Variants in FDCSP observed in about 807,000 individuals in gnomAD.
FDCSP encodes follicular dendritic cell secreted peptide.
In FDCSP, 8 loss-of-function variants were observed where a neutral mutation model predicts 8.9. The ratio of observed to expected loss-of-function variants is 0.90; its 90% CI spans 0.53 to 1.63. FDCSP has a LOEUF of 1.63. Among genes scored for constraint, FDCSP ranks in the 40% most tolerant of loss-of-function variants. The probability of loss-of-function intolerance (pLI) is 0.00; values close to 1 mark genes in which losing one functional copy is unlikely to be tolerated. For synonymous variants in FDCSP, 34 were observed against 34.5 expected, an observed-to-expected ratio of 0.98 and a Z score of 0.06; for missense variants, 101 against 103.6, an observed-to-expected ratio of 0.98 and a Z score of 0.11.
At chr4:70,227,459 T>C (rs1419607053) in intron 1 of FDCSP, among the ~76,000 whole-genome samples, 5 of 151,690 alleles carry the variant, frequency 3.3e-5, no homozygotes, top group East Asian at 1.9e-4. Context: ...CATAGATGTA[T>C]AGGAAACATC....
chr4:70,231,536 G>C (rs920508906), intron 2 of FDCSP, among the ~76,000 whole-genome samples: 1 of 151,538 alleles, frequency 6.6e-6, no homozygotes, highest in Non-Finnish European at 1.5e-5. Context: ...TTATGTCATA[G>C]GGCAATGCAT....
intron 1 of FDCSP, among the ~76,000 whole-genome samples, chr4:70,226,393 C>G (rs1323632461): frequency 2.0e-5 from 3 of 151,648 alleles, no homozygotes; most frequent in Non-Finnish European, 2.9e-5. Flanking sequence ...AAATCACCAC[C>G]CTGCTGTAGT....
intron 1 of FDCSP, among the ~76,000 whole-genome samples, chr4:70,229,015 T>C (rs1447187151): frequency 6.6e-6 from 1 of 151,776 alleles, no homozygotes; most frequent in African/African-American, 2.4e-5. Context: ...CTTTGAAGCT[T>C]TGAAGCCAGG....
chr4:70,235,182 T>C lies in FDCSP; in HGVS notation c.*126T>C, dbSNP rs1324420310. ...AATTGAAATAGCACACAGCATTCTC[T>C]AGTCAATATCTTTAGTGATCTTCTT... On this transcript the variant is annotated 3_prime_UTR_variant, in exon 5 of 5. Coordinates refer to ENST00000317987, the MANE Select transcript of FDCSP (RefSeq NM_152997.4). 1 of 151,816 alleles carries C rather than the reference T, an allele frequency of 6.6e-6. No individual in the cohort carries two copies. Among genetic ancestry groups the C allele is most frequent in the Non-Finnish European group, 1.5e-5 (1 of 67,832 alleles). 9.4% of individuals were successfully genotyped at this position (151,816 alleles called of 1,614,324 possible). A position where few individuals can be genotyped will look rare whatever the true frequency, so the allele number is the denominator to read the frequency against.
chr4:70,233,697 A>G (rs1013212050), intron 3 of FDCSP, among the ~76,000 whole-genome samples: 1 of 151,676 alleles, frequency 6.6e-6, no homozygotes, highest in Non-Finnish European at 1.5e-5. Context: ...TGGTTTGGGT[A>G]AAGACCTTGC....
At chr4:70,227,932 G>A (rs956796278) in intron 1 of FDCSP, among the ~76,000 whole-genome samples, 8 of 151,824 alleles carry the variant, frequency 5.3e-5, no homozygotes, top group African/African-American at 1.7e-4. Context: ...CTGGTGTAGG[G>A]TCTTGCCTTG....
At chr4:70,229,604 G>A (rs1730045459) in intron 1 of FDCSP, among the ~76,000 whole-genome samples, 1 of 151,614 alleles carries the variant, frequency 6.6e-6, no homozygotes, top group South Asian at 2.1e-4. Flanking sequence ...AGGCATTGTA[G>A]GGTTATTAAC....
chr4:70,234,340 G>A, intron 4 of FDCSP, 125 bp downstream of exon 4: 1 of 743,944 alleles, frequency 1.3e-6, no homozygotes, highest in Non-Finnish European at 2.1e-6. Flanking sequence ...TTGTTTTAAT[G>A]TTTTTCTCTG....
chr4:70,227,523 T>C (rs1730007604), intron 1 of FDCSP, among the ~76,000 whole-genome samples: 1 of 150,178 alleles, frequency 6.7e-6, no homozygotes, highest in South Asian at 2.2e-4. Context: ...TACTTCAAAA[T>C]GATAATGATA....
At chr4:70,231,710 A>C (rs1191312907) in intron 2 of FDCSP, among the ~76,000 whole-genome samples, 3 of 151,724 alleles carry the variant, frequency 2.0e-5, no homozygotes, top group Non-Finnish European at 4.4e-5. Flanking sequence ...ATTATTTTAG[A>C]GTTAACTCCT....
At chr4:70,231,968 G>T (rs1730091843) in intron 2 of FDCSP, among the ~76,000 whole-genome samples, 1 of 151,592 alleles carries the variant, frequency 6.6e-6, no homozygotes, top group South Asian at 2.1e-4. Flanking sequence ...AAGTAAAAAA[G>T]AAAAAGCATA....
intron 3 of FDCSP, 42 bp from the exon 4 acceptor site, chr4:70,233,978 G>C: frequency 6.6e-7 from 1 of 1,526,102 alleles, no homozygotes; most frequent in South Asian, 1.3e-5. Flanking sequence ...TCTCTTCTTT[G>C]TAAAAAGTGA....
intron 2 of FDCSP, among the ~76,000 whole-genome samples, chr4:70,232,678 A>G (rs75131359): frequency 0.044 from 6,627 of 151,628 alleles, 471 homozygotes; most frequent in African/African-American, 0.15. Context: ...TACCTAACAC[A>G]CACGCTGTAT....
chr4:70,230,212 C>T (rs548846635), intron 1 of FDCSP, among the ~76,000 whole-genome samples: 1 of 151,680 alleles, frequency 6.6e-6, no homozygotes, highest in African/African-American at 2.4e-5. Flanking sequence ...CCCAGAACCC[C>T]CCACATATTC....
Position 70,234,208 on chromosome 4 carries a change from T to C in FDCSP, c.*21T>C. 1 of 1,602,012 alleles carries C rather than the reference T, an allele frequency of 6.2e-7. No homozygotes were observed. The highest frequency in any genetic ancestry group is 8.5e-7 in the Non-Finnish European group (1 of 1,172,670). On this transcript the variant is annotated 3_prime_UTR_variant, in exon 4 of 5. Coordinates refer to ENST00000317987, the MANE Select transcript of FDCSP (RefSeq NM_152997.4). Reference sequence around the variant, plus strand: ...AGTAAACAAGAAGGAAAAGTCACGATAAACCTGGTAAGTACACATAGTTAC... The same window carrying C: ...AGTAAACAAGAAGGAAAAGTCACGACAAACCTGGTAAGTACACATAGTTAC...
rs1336897001 is a variant in FDCSP, at chr4:70,231,214, T to C, written c.20T>C (p.Leu7Pro). Residue 7 changes from leucine to proline, a missense_variant, in exon 2 of 5, where the codon CTG becomes CCG. Leu to Pro is a moderately conservative substitution (Grantham distance 98, BLOSUM62 -3). Transcript: ENST00000317987. MKKVLL[L>P]ITAILAVAVG... ...TTGCAGATGAAGAAAGTTCTCCTCC[T>C]GATCACAGCCATCTTGGCAGTGGCT... 4 of 1,600,588 alleles carry C rather than the reference T, an allele frequency of 2.5e-6. No homozygotes were observed. The highest frequency in any genetic ancestry group is 1.7e-4 in the Middle Eastern group (1 of 5,994).
intron 2 of FDCSP, 93 bp from the exon 3 acceptor site, chr4:70,232,901 A>T (rs1730110401): frequency 2.0e-6 from 2 of 1,024,706 alleles, no homozygotes; most frequent in South Asian, 3.1e-5. Flanking sequence ...ATTATGAAAC[A>T]ATATTAGGTA....
chr4:70,227,553 C>T (rs1453448339), intron 1 of FDCSP, among the ~76,000 whole-genome samples: 1 of 136,956 alleles, frequency 7.3e-6, no homozygotes, highest in Admixed American at 7.2e-5. Context: ...GACATTTTCC[C>T]CAATGTAAAA....
At chr4:70,230,907 A>G (rs749152814) in intron 1 of FDCSP, among the ~76,000 whole-genome samples, 8 of 151,782 alleles carry the variant, frequency 5.3e-5, no homozygotes, top group Non-Finnish European at 8.8e-5. Flanking sequence ...TTTGTTACAT[A>G]GGAATTAGTA....
Sources: allele counts gnomAD v4.1 joint callset (sites outside exome capture counted in the v4.1 genomes callset), GRCh38; gene constraint gnomAD v4.1.1; transcripts MANE v1.5; gene names NCBI Gene and HGNC (gene_info 2026-07-23, HGNC 2026-07-21).